PTPN2: variants seen among roughly 807,000 people sequenced by gnomAD.
PTPN2 encodes protein tyrosine phosphatase non-receptor type 2, also known as tyrosine-protein phosphatase non-receptor type 2.
PTPN2 carries 19 observed loss-of-function variants against 57.3 expected under a neutral mutation model. The observed-to-expected ratio is 0.33, with a 90% CI of 0.23 to 0.49. PTPN2 has a LOEUF of 0.49. Ranked by LOEUF, PTPN2 falls within the 20% of genes least tolerant of loss-of-function variation. PTPN2 has a pLI of 0.99. For missense variants in PTPN2, 358 were observed against 501.1 expected (o/e 0.71, Z 2.73); for synonymous variants, 153 against 164.9 (o/e 0.93, Z 0.55).
chr18:12,793,686 A>T lies in PTPN2; in HGVS notation c.*592T>A. 1 of 984,114 alleles carries T rather than the reference A, an allele frequency of 1.0e-6. No homozygotes were observed. The highest frequency in any genetic ancestry group is 1.2e-6 in the Non-Finnish European group (1 of 828,056). The allele number at this position is 984,114 out of a possible 1,614,324, so 61.0% of individuals were successfully genotyped here. ...ATGGAAAATGTATCCAGTACAATTC[A>T]ATCGACATACAATTTATTTTTTTAG... On this transcript the variant is annotated 3_prime_UTR_variant, in exon 9 of 9. Transcript: ENST00000309660.
At chr18:12,828,688 AC>A (rs1663161346) in intron 4 of PTPN2, among the ~76,000 whole-genome samples, 1 of 152,190 alleles carries the variant, frequency 6.6e-6, no homozygotes, top group Non-Finnish European at 1.5e-5. Context: ...TGTTATCTTA[AC>A]ATATGCATAT....
At position 12,825,865 on chromosome 18, in the gene PTPN2, G is replaced by A; in HGVS notation, c.440C>T (p.Ser147Leu). 23 of 1,611,134 alleles carry A rather than the reference G, an allele frequency of 1.4e-5. No homozygotes were observed. The highest frequency in any genetic ancestry group is 2.0e-5 in the Non-Finnish European group (23 of 1,178,550). Residue 147 changes from serine (S) to leucine (L), a missense_variant, in exon 5 of 9, where the codon TCA becomes TTA. By Grantham distance (145) the Ser-to-Leu change is moderately radical (BLOSUM62 -2). Around this residue, in one of 4 missense-constraint regions of PTPN2, gnomAD observed 193 missense variants for 315.4 expected, o/e 0.61. Transcript: ENST00000309660. Reference sequence around the variant, plus strand: ...TGTATAATACGACTTCACATCTTCTGACAAGAGCTTCACACTGAATCCTGT... The same window carrying A: ...TGTATAATACGACTTCACATCTTCTAACAAGAGCTTCACACTGAATCCTGT... ...KETGFSVKLLSEDVKSYYTVH... is the reference protein window; with the variant it reads ...KETGFSVKLLLEDVKSYYTVH...
rs532284612 is a variant in PTPN2, at chr18:12,835,524, C to T, written c.261+1267G>A. On this transcript the variant is annotated intron_variant, in intron 3 of 8. Coordinates refer to ENST00000309660, the MANE Select transcript of PTPN2 (RefSeq NM_002828.4). ...CTGGGTAGCTGGGATTATAGGTACCCGCCACCATGCCCAGCTAATTTTTGT... is the reference window on the plus strand; with the variant it reads ...CTGGGTAGCTGGGATTATAGGTACCTGCCACCATGCCCAGCTAATTTTTGT... 1.4e-3 allele frequency among the ~76,000 whole-genome samples: 220 copies of T among 151,760 alleles called. 1 individual carries two copies. Among genetic ancestry groups the T allele is most frequent in the African/African-American group, 4.8e-3 (198 of 41,396 alleles).
intron 1 of PTPN2, chr18:12,863,119 C>G (rs989488101): frequency 6.6e-5 from 10 of 152,212 alleles, no homozygotes; most frequent in Non-Finnish European, 1.5e-4. Flanking sequence ...AAAGCCAGCT[C>G]TACTTGTGTT....
At chr18:12,828,539 A>G (rs2145364172) in intron 4 of PTPN2, among the ~76,000 whole-genome samples, 1 of 152,352 alleles carries the variant, frequency 6.6e-6, no homozygotes, top group Middle Eastern at 3.4e-3. Context: ...TCATTACAAG[A>G]TAGTTTACAT....
chr18:12,812,638 A>ATT (rs1695290834), intron 7 of PTPN2, among the ~76,000 whole-genome samples: 1 of 152,148 alleles, frequency 6.6e-6, no homozygotes, highest in Non-Finnish European at 1.5e-5. Context: ...TGTGGTATGT[A>ATT]TTTATTAATC....
At chr18:12,787,084 A>G (rs2040862219) in intron 9 of PTPN2, 1 of 152,248 alleles carries the variant, frequency 6.6e-6, no homozygotes, top group Non-Finnish European at 1.5e-5. Flanking sequence ...TCTGGTTTAG[A>G]GAATACTCTG....
intron 1 of PTPN2, among the ~76,000 whole-genome samples, chr18:12,864,589 G>A (rs764263986): frequency 6.6e-6 from 1 of 151,822 alleles, no homozygotes; most frequent in African/African-American, 2.4e-5. Flanking sequence ...TAGTAGAGAC[G>A]GGGTTTCACC....
Position 12,874,542 on chromosome 18 carries a change from G to GT in PTPN2, c.69+9530dup, listed in dbSNP as rs543827825. ...CCGTCCGGGAGGAAGGTGGGGGGGGGTCAGCTCCCCGCCCGGCCAGCCGCC... is the reference window on the plus strand; with the variant it reads ...CCGTCCGGGAGGAAGGTGGGGGGGGGTTCAGCTCCCCGCCCGGCCAGCCGCC... On this transcript the variant is annotated intron_variant, in intron 1 of 8. Transcript: ENST00000309660. Among the ~76,000 whole-genome samples the GT allele has an allele frequency of 5.6e-3, 614 of 109,194 alleles. 52 individuals are homozygous for GT. The highest frequency in any genetic ancestry group is 0.022 in the African/African-American group (591 of 26,572). The allele number at this position is 109,194 out of a possible 152,430, so 71.6% of individuals were successfully genotyped here.
chr18:12,855,645 G>A (rs943715370), intron 2 of PTPN2, among the ~76,000 whole-genome samples: 5 of 152,094 alleles, frequency 3.3e-5, no homozygotes, highest in African/African-American at 4.8e-5. Flanking sequence ...TGCAGAGCTG[G>A]AACACGGTGG....
chr18:12,789,888 A>G (rs2040939818), downstream of PTPN2, among the ~76,000 whole-genome samples: 1 of 148,116 alleles, frequency 6.8e-6, no homozygotes, highest in African/African-American at 2.5e-5. Context: ...GTATATATAT[A>G]TGTATGTATA....
At chr18:12,861,776 C>A (rs2043816341) in intron 1 of PTPN2, among the ~76,000 whole-genome samples, 1 of 152,160 alleles carries the variant, frequency 6.6e-6, no homozygotes, top group African/African-American at 2.4e-5. Flanking sequence ...TCCACTTCTT[C>A]CACTTCTGTG....
intron 1 of PTPN2, among the ~76,000 whole-genome samples, chr18:12,874,591 TTCAGCCCCCCGC>T (rs2044416616): frequency 1.6e-5 from 1 of 63,360 alleles, no homozygotes. Flanking sequence ...AGGTGGGGGG[TTCAGCCCCCCGC>T]CCGGCCAGCC....
chr18:12,873,367 C>G (rs555972695), intron 1 of PTPN2, among the ~76,000 whole-genome samples: 29 of 152,202 alleles, frequency 1.9e-4, no homozygotes, highest in Non-Finnish European at 3.7e-4. Context: ...GCTGCCATCT[C>G]GGCTCACTGC....
intron 5 of PTPN2, among the ~76,000 whole-genome samples, chr18:12,824,746 C>T (rs2042387694): frequency 6.6e-6 from 1 of 152,112 alleles, no homozygotes; most frequent in Non-Finnish European, 1.5e-5. Flanking sequence ...TGTGTATGTA[C>T]CTCAACCAAG....
chr18:12,860,747 C>G (rs2145480242), intron 1 of PTPN2, among the ~76,000 whole-genome samples: 1 of 152,114 alleles, frequency 6.6e-6, no homozygotes, highest in East Asian at 1.9e-4. Context: ...AGGCCTGAGG[C>G]TCATCCTAGG....
chr18:12,811,896 G>GC (rs1278586994), intron 7 of PTPN2, among the ~76,000 whole-genome samples: 3 of 152,080 alleles, frequency 2.0e-5, no homozygotes, highest in Non-Finnish European at 2.9e-5. Flanking sequence ...TAGGAGCCAT[G>GC]CCCCCCACAC....
At chr18:12,815,565 C>T (rs1485968653) in intron 6 of PTPN2, among the ~76,000 whole-genome samples, 1 of 151,932 alleles carries the variant, frequency 6.6e-6, no homozygotes, top group African/African-American at 2.4e-5. Context: ...CCCAGGCTCA[C>T]CAAAAATAAA....
chr18:12,810,230 G>GGC (rs1162594502), intron 7 of PTPN2, among the ~76,000 whole-genome samples: 2 of 152,202 alleles, frequency 1.3e-5, no homozygotes, highest in Admixed American at 6.5e-5. Context: ...CAGGCATGGT[G>GGC]GTGCAAGCCT....
Sources: gnomAD v4.1 joint callset for allele counts (sites outside exome capture counted in the v4.1 genomes callset) on GRCh38, gnomAD v4.1.1 for gene constraint, gnomAD v4.1.1 regional missense constraint, MANE v1.5 for transcripts, NCBI Gene and HGNC (gene_info 2026-07-23, HGNC 2026-07-21) for gene names.